RPS6KC1: variants seen among roughly 807,000 people sequenced by gnomAD.
The protein encoded by RPS6KC1 is ribosomal protein S6 kinase C1.
Under a neutral mutation model 103.8 loss-of-function variants are expected in RPS6KC1, and 54 were observed. The observed-to-expected ratio is 0.52, with a 90% CI of 0.42 to 0.65. The LOEUF (loss-of-function observed/expected upper bound fraction) is 0.65. RPS6KC1 is among the 30% of genes least tolerant of loss of function. RPS6KC1 has a pLI of 0.00. For synonymous variants in RPS6KC1, 439 were observed against 438.7 expected, an observed-to-expected ratio of 1.00 and a Z score of -0.01; for missense variants, 1,151 against 1,253.8, an observed-to-expected ratio of 0.92 and a Z score of 1.24.
At chr1:213,861,342 GC>G in the RPS6KC1 span, among the ~76,000 whole-genome samples, 16 of 152,100 alleles carry the variant, frequency 1.1e-4, no homozygotes, top group Non-Finnish European at 1.5e-4. Flanking sequence ...CAGGGAGAAG[GC>G]CCCCACACCT....
the RPS6KC1 span, among the ~76,000 whole-genome samples, chr1:213,472,045 C>T: frequency 1.3e-5 from 2 of 152,164 alleles, no homozygotes; most frequent in African/African-American, 2.4e-5. Context: ...GGAAAATAGC[C>T]ACCTCTTCAA....
chr1:213,259,888 G>C lies in RPS6KC1; in HGVS notation c.2912-1670G>C, dbSNP rs190546442. ...TGAGTAGCTGGGATTACAGGCGCTTGCCACCATGCATGGCTAATTTTTGTA... is the reference window on the plus strand; with the variant it reads ...TGAGTAGCTGGGATTACAGGCGCTTCCCACCATGCATGGCTAATTTTTGTA... On this transcript the variant is annotated intron_variant, in intron 12 of 14. Coordinates refer to ENST00000366960, the MANE Select transcript of RPS6KC1 (RefSeq NM_012424.6). 2.6e-3 allele frequency among the ~76,000 whole-genome samples: 400 copies of C among 151,964 alleles called. 2 individuals carry two copies. The highest frequency in any genetic ancestry group is 9.4e-3 in the African/African-American group (388 of 41,496).
At chr1:213,527,862 A>G in the RPS6KC1 span, among the ~76,000 whole-genome samples, 1 of 152,300 alleles carries the variant, frequency 6.6e-6, no homozygotes, top group East Asian at 1.9e-4. Flanking sequence ...ATGAACATAC[A>G]TTTTGTATGT....
the RPS6KC1 span, among the ~76,000 whole-genome samples, chr1:213,387,896 G>A: frequency 5.0e-3 from 768 of 152,366 alleles, 6 homozygotes; most frequent in African/African-American, 0.018. Flanking sequence ...GCTCCTTCCT[G>A]TGTGCCCTGC....
the RPS6KC1 span, among the ~76,000 whole-genome samples, chr1:213,829,268 C>CA: frequency 0.57 from 65,555 of 114,130 alleles, 21,827 homozygotes; most frequent in East Asian, 0.78. Flanking sequence ...TCGTTTGTTT[C>CA]AAAAAAAAAA....
chr1:213,588,289 CCT>C, the RPS6KC1 span, among the ~76,000 whole-genome samples: 6 of 151,408 alleles, frequency 4.0e-5, no homozygotes, highest in African/African-American at 1.5e-4. Flanking sequence ...CCCCCTAAAA[CCT>C]CTGTCTTTTT....
intron 8 of RPS6KC1, among the ~76,000 whole-genome samples, chr1:213,228,735 A>G (rs1017519600): frequency 6.6e-6 from 1 of 152,186 alleles, no homozygotes; most frequent in Non-Finnish European, 1.5e-5. Flanking sequence ...CAATAAAAAT[A>G]AGATAAAACA....
At chr1:213,402,232 C>A in the RPS6KC1 span, among the ~76,000 whole-genome samples, 1 of 152,164 alleles carries the variant, frequency 6.6e-6, no homozygotes, top group African/African-American at 2.4e-5. Flanking sequence ...TGGTGCCAGG[C>A]AGCCTCAATG....
At chr1:213,625,657 C>A in the RPS6KC1 span, among the ~76,000 whole-genome samples, 1 of 152,204 alleles carries the variant, frequency 6.6e-6, no homozygotes, top group South Asian at 2.1e-4. Context: ...TCAATTCCCA[C>A]CTATGAGTGA....
chr1:213,215,005 G>T (rs1195921385), intron 8 of RPS6KC1, among the ~76,000 whole-genome samples: 3 of 152,208 alleles, frequency 2.0e-5, no homozygotes, highest in Non-Finnish European at 4.4e-5. Context: ...CTCCTCACCA[G>T]CAACGGAACA....
the RPS6KC1 span, among the ~76,000 whole-genome samples, chr1:213,495,563 T>C: frequency 6.6e-6 from 1 of 152,184 alleles, no homozygotes; most frequent in Non-Finnish European, 1.5e-5. Context: ...TCAGGTGATC[T>C]GCCTGCCTTG....
At chr1:213,373,507 A>G in the RPS6KC1 span, among the ~76,000 whole-genome samples, 1 of 152,246 alleles carries the variant, frequency 6.6e-6, no homozygotes, top group African/African-American at 2.4e-5. Flanking sequence ...GAAATAAAAA[A>G]TAAAAAATCA....
the RPS6KC1 span, among the ~76,000 whole-genome samples, chr1:213,728,845 A>G: frequency 4.0e-5 from 6 of 151,808 alleles, no homozygotes; most frequent in Admixed American, 6.6e-5. Context: ...AGGTAGGCAC[A>G]GAGAAGTTAC....
At chr1:213,062,106 GT>G (rs2077891697) in intron 1 of RPS6KC1, among the ~76,000 whole-genome samples, 1 of 151,410 alleles carries the variant, frequency 6.6e-6, no homozygotes, top group Admixed American at 6.6e-5. Context: ...TTGTAGTTTT[GT>G]TTTCTAGTAC....
chr1:213,563,091 G>A, the RPS6KC1 span, among the ~76,000 whole-genome samples: 1 of 152,058 alleles, frequency 6.6e-6, no homozygotes, highest in African/African-American at 2.4e-5. Flanking sequence ...CCATATTGCT[G>A]GATTTGTCAA....
At chr1:213,195,291 A>AT (rs1409066300) in intron 8 of RPS6KC1, among the ~76,000 whole-genome samples, 1 of 152,156 alleles carries the variant, frequency 6.6e-6, no homozygotes, top group African/African-American at 2.4e-5. Context: ...ACCAGTGTCA[A>AT]TTTTCTGCCT....
chr1:213,266,730 C>G (rs1295211306), intron 14 of RPS6KC1, among the ~76,000 whole-genome samples: 2 of 152,000 alleles, frequency 1.3e-5, no homozygotes, highest in African/African-American at 4.8e-5. Context: ...TGATGAAACC[C>G]TGTCTCTACT....
intron 14 of RPS6KC1, among the ~76,000 whole-genome samples, chr1:213,267,477 A>G (rs1490755751): frequency 6.6e-6 from 1 of 151,996 alleles, no homozygotes. Flanking sequence ...ACTATCTAAA[A>G]TGTCCTGTTT....
the RPS6KC1 span, among the ~76,000 whole-genome samples, chr1:213,771,364 G>A: frequency 6.6e-6 from 1 of 152,188 alleles, no homozygotes; most frequent in African/African-American, 2.4e-5. Context: ...GTAGGAAACG[G>A]ATGACAGAAC....
Sources: allele counts gnomAD v4.1 joint callset (sites outside exome capture counted in the v4.1 genomes callset), GRCh38; gene constraint gnomAD v4.1.1; transcripts MANE v1.5; gene names NCBI Gene and HGNC (gene_info 2026-07-23, HGNC 2026-07-21).